Variants in TBC1D22A observed in about 807,000 individuals in gnomAD.
TBC1D22A encodes the protein putative GTPase activator.
In TBC1D22A, 38 loss-of-function variants were observed where a neutral mutation model predicts 60.2. The observed-to-expected ratio is 0.63, with a 90% CI of 0.49 to 0.83. TBC1D22A has a LOEUF of 0.83. TBC1D22A is among the 40% of genes least tolerant of loss of function. The probability of loss-of-function intolerance (pLI) is 0.00; values close to 1 mark genes in which losing one functional copy is unlikely to be tolerated. For synonymous variants in TBC1D22A, 302 were observed against 281.7 expected (o/e 1.07, Z -0.72); for missense variants, 628 against 701.0 (o/e 0.90, Z 1.18).
chr22:46,873,389 C>G (rs902985009), intron 4 of TBC1D22A, among the ~76,000 whole-genome samples: 1 of 152,172 alleles, frequency 6.6e-6, no homozygotes, highest in South Asian at 2.1e-4. Context: ...AAAAGACTGA[C>G]AACGCTAAAT....
intron 4 of TBC1D22A, among the ~76,000 whole-genome samples, chr22:46,826,520 G>A (rs1201152800): frequency 1.3e-5 from 2 of 152,098 alleles, no homozygotes; most frequent in Non-Finnish European, 2.9e-5. Flanking sequence ...TTTCCTGAGC[G>A]GATTTTTCGC....
intron 12 of TBC1D22A, among the ~76,000 whole-genome samples, chr22:47,135,263 C>T (rs1055510571): frequency 5.3e-5 from 8 of 152,206 alleles, no homozygotes; most frequent in Non-Finnish European, 8.8e-5. Flanking sequence ...ATCCCACGGT[C>T]CTTCGATGAG....
At chr22:47,159,479 AAC>A (rs927265806) in intron 12 of TBC1D22A, among the ~76,000 whole-genome samples, 2 of 151,832 alleles carry the variant, frequency 1.3e-5, no homozygotes, top group Middle Eastern at 3.4e-3. Flanking sequence ...ATGCCATGTA[AAC>A]ACACAGACAA....
At chr22:47,090,259 A>G (rs1240447229) in intron 11 of TBC1D22A, among the ~76,000 whole-genome samples, 3 of 152,066 alleles carry the variant, frequency 2.0e-5, no homozygotes, top group Non-Finnish European at 4.4e-5. Context: ...TCATGTCTCC[A>G]CCCGGCACAC....
rs1194732771 is a variant in TBC1D22A, at chr22:46,903,757, G to A, written c.901-8317G>A. Among the ~76,000 whole-genome samples, 4 of 152,294 alleles carry A rather than the reference G, an allele frequency of 2.6e-5. No individual in the cohort carries two copies. The East Asian group carries it at 5.8e-4, about 22-fold the overall frequency. On this transcript the variant is annotated intron_variant, in intron 7 of 12. Transcript: ENST00000337137. The stretch of plus-strand genomic sequence containing the variant: ...AGCCCCAGTGGACGGGGGTGGAAAG[G>A]AATCTCCTTGAAGAGATTCTTACCT...
At chr22:47,150,692 C>T (rs998680258) in intron 12 of TBC1D22A, among the ~76,000 whole-genome samples, 4 of 152,178 alleles carry the variant, frequency 2.6e-5, no homozygotes, top group Admixed American at 6.5e-5. Context: ...TGGGCTGCAG[C>T]GCTAGCTCAA....
chr22:46,944,686 C>T (rs1049953020), intron 8 of TBC1D22A, among the ~76,000 whole-genome samples: 2 of 152,238 alleles, frequency 1.3e-5, no homozygotes, highest in South Asian at 2.1e-4. Context: ...GCGTGAGCCA[C>T]CGTGCCCAGC....
chr22:46,840,227 A>G (rs1362922498), intron 4 of TBC1D22A, among the ~76,000 whole-genome samples: 2 of 152,228 alleles, frequency 1.3e-5, no homozygotes, highest in East Asian at 3.8e-4. Context: ...GAAATATATA[A>G]AGAGCTCAAA....
At chr22:47,057,482 A>G (rs1440288935) in intron 11 of TBC1D22A, among the ~76,000 whole-genome samples, 1 of 152,224 alleles carries the variant, frequency 6.6e-6, no homozygotes, top group Non-Finnish European at 1.5e-5. Context: ...TCACTAAGCC[A>G]AGTGGAAATG....
chr22:47,022,665 G>A (rs1356947420), intron 10 of TBC1D22A, among the ~76,000 whole-genome samples: 3 of 152,164 alleles, frequency 2.0e-5, no homozygotes, highest in South Asian at 4.1e-4. Context: ...GGGAAGAACC[G>A]CTTGAAATGA....
In TBC1D22A at chr22:46,884,568, G is replaced by A. The variant is rs6007979; in HGVS notation, c.708+5845G>A. Among the ~76,000 whole-genome samples the A allele has an allele frequency of 3.9e-3, 593 of 152,306 alleles. 8 individuals carry two copies. The highest frequency in any genetic ancestry group is 0.013 in the African/African-American group (553 of 41,572). ...GCACAGACTGAGAGCAGCGGCCAGC[G>A]GCTGTCCTCGAAAGGGCAGCCAGTC... is the stretch of plus-strand genomic sequence containing the variant. On this transcript the variant is annotated intron_variant, in intron 5 of 12. Transcript: ENST00000337137.
intron 11 of TBC1D22A, among the ~76,000 whole-genome samples, chr22:47,059,462 T>C (rs1175549495): frequency 6.6e-6 from 1 of 152,244 alleles, no homozygotes; most frequent in Non-Finnish European, 1.5e-5. Context: ...TTGAGCTGCA[T>C]GTAAAAGTTT....
chr22:46,796,916 G>C (rs945386658), intron 3 of TBC1D22A, among the ~76,000 whole-genome samples: 1 of 152,218 alleles, frequency 6.6e-6, no homozygotes, highest in Non-Finnish European at 1.5e-5. Context: ...GGCAGGTGGC[G>C]GGGTTGGGCA....
At chr22:46,864,252 A>G (rs144162781) in intron 4 of TBC1D22A, among the ~76,000 whole-genome samples, 511 of 152,352 alleles carry the variant, frequency 3.4e-3, no homozygotes, top group African/African-American at 0.012. Flanking sequence ...CTAGACTCCC[A>G]TAACTCGAGA....
At chr22:47,004,188 A>G (rs1412372629) in intron 10 of TBC1D22A, among the ~76,000 whole-genome samples, 6 of 142,002 alleles carry the variant, frequency 4.2e-5, no homozygotes, top group Non-Finnish European at 7.7e-5. Flanking sequence ...ATGCCTATAT[A>G]TATACTCCTC....
At chr22:46,930,478 C>T (rs776543611) in intron 8 of TBC1D22A, among the ~76,000 whole-genome samples, 15 of 152,028 alleles carry the variant, frequency 9.9e-5, no homozygotes, top group East Asian at 1.9e-4. Flanking sequence ...CTTATTTAGA[C>T]GGAGTCTCGC....
intron 11 of TBC1D22A, among the ~76,000 whole-genome samples, chr22:47,086,497 CT>C (rs1170861230): frequency 6.6e-6 from 1 of 152,134 alleles, no homozygotes; most frequent in Non-Finnish European, 1.5e-5. Flanking sequence ...AAACCGTAGC[CT>C]TAATCTGGGT....
chr22:46,974,432 GC>G, intron 9 of TBC1D22A, 33 bp downstream of exon 9: 1 of 1,557,350 alleles, frequency 6.4e-7, no homozygotes, highest in Admixed American at 1.8e-5. Context: ...CACAGCCCAC[GC>G]CCACAGCCCC....
chr22:47,075,797 GACACAC>G (rs145664340), intron 11 of TBC1D22A, among the ~76,000 whole-genome samples: 3 of 149,594 alleles, frequency 2.0e-5, no homozygotes, highest in South Asian at 4.2e-4. Context: ...ATTCATGATT[GACACAC>G]ACACACACAC....
Sources: allele counts gnomAD v4.1 joint callset (sites outside exome capture counted in the v4.1 genomes callset), GRCh38; gene constraint gnomAD v4.1.1; transcripts MANE v1.5; gene names NCBI Gene and HGNC (gene_info 2026-07-23, HGNC 2026-07-21).